RASGEF1C: variants seen among roughly 807,000 people sequenced by gnomAD.
The protein encoded by RASGEF1C is ras-GEF domain-containing family member 1C.
In RASGEF1C, 27 loss-of-function variants were observed where a neutral mutation model predicts 58.1. The observed-to-expected ratio is 0.46, with a 90% CI of 0.34 to 0.64. RASGEF1C has a LOEUF of 0.64. RASGEF1C is among the 30% of genes least tolerant of loss of function. The pLI is 0.01. For synonymous variants in RASGEF1C, 243 were observed against 246.3 expected, an observed-to-expected ratio of 0.99 and a Z score of 0.13; for missense variants, 502 against 605.1, an observed-to-expected ratio of 0.83 and a Z score of 1.79.
intron 4 of RASGEF1C, among the ~76,000 whole-genome samples, chr5:180,133,461 C>A (rs78920275): frequency 0.031 from 4,740 of 152,124 alleles, 256 homozygotes; most frequent in African/African-American, 0.11. Context: ...AGAATGATCA[C>A]CCTCCCTTTT....
chr5:180,201,781 A>G (rs1296727586), intron 1 of RASGEF1C, among the ~76,000 whole-genome samples: 1 of 152,202 alleles, frequency 6.6e-6, no homozygotes, highest in Non-Finnish European at 1.5e-5. Context: ...CATCAATGAG[A>G]TTAGTGCCCT....
rs75794766 is a variant in RASGEF1C at position 180,178,907 on chromosome 5, G to C, written c.-7+30121C>G. ...AGAAGGGACTGGAGAATGTTCTTGG[G>C]GGGGGAGGGGCGCAGGTGCCAAGGA... On this transcript the variant is annotated intron_variant, in intron 1 of 13. Coordinates refer to ENST00000361132, the MANE Select transcript of RASGEF1C (RefSeq NM_175062.4). Among the ~76,000 whole-genome samples the C allele has an allele frequency of 8.2e-3, 1,249 of 152,268 alleles. 17 individuals are homozygous for C. The highest frequency in any genetic ancestry group is 0.027 in the African/African-American group (1,129 of 41,558).
chr5:180,153,382 C>A (rs541368105), intron 1 of RASGEF1C, among the ~76,000 whole-genome samples: 8 of 152,328 alleles, frequency 5.3e-5, no homozygotes, highest in African/African-American at 1.9e-4. Context: ...GGATAGCTAG[C>A]TGCTACCATG....
intron 10 of RASGEF1C, among the ~76,000 whole-genome samples, chr5:180,116,673 G>A (rs1766073379): frequency 6.6e-6 from 1 of 152,238 alleles, no homozygotes; most frequent in Non-Finnish European, 1.5e-5. Context: ...CTGCCCCACA[G>A]CCCCCGTGTC....
chr5:180,152,383 A>G (rs1326109427), intron 1 of RASGEF1C, among the ~76,000 whole-genome samples: 4 of 152,288 alleles, frequency 2.6e-5, no homozygotes, highest in African/African-American at 7.2e-5. Flanking sequence ...CTATGCAGCC[A>G]TAACAAATGA....
intron 1 of RASGEF1C, among the ~76,000 whole-genome samples, chr5:180,192,759 T>G (rs890135157): frequency 6.6e-6 from 1 of 151,896 alleles, no homozygotes; most frequent in Non-Finnish European, 1.5e-5. Context: ...TGTTTTTTTT[T>G]TTTGAGATGG....
intron 1 of RASGEF1C, among the ~76,000 whole-genome samples, chr5:180,181,926 G>T (rs999997985): frequency 6.7e-6 from 1 of 149,488 alleles, no homozygotes; most frequent in Admixed American, 6.7e-5. Context: ...GCCATGGGCC[G>T]GGCGCAGTGG....
chr5:180,162,250 C>T (rs1158085305), intron 1 of RASGEF1C, among the ~76,000 whole-genome samples: 1 of 152,240 alleles, frequency 6.6e-6, no homozygotes, highest in Non-Finnish European at 1.5e-5. Flanking sequence ...TCTCTAGCCA[C>T]TTTGCAATCC....
At chr5:180,191,498 A>T (rs1418874614) in intron 1 of RASGEF1C, among the ~76,000 whole-genome samples, 2 of 152,136 alleles carry the variant, frequency 1.3e-5, no homozygotes, top group Non-Finnish European at 2.9e-5. Context: ...CTGGGACTAC[A>T]GGCGCCCGCC....
At chr5:180,176,093 C>T (rs1190196580) in intron 1 of RASGEF1C, among the ~76,000 whole-genome samples, 4 of 152,236 alleles carry the variant, frequency 2.6e-5, no homozygotes, top group African/African-American at 4.8e-5. Flanking sequence ...GAGGCCACAT[C>T]GCTGGCCACA....
chr5:180,201,436 G>A (rs1288776140), intron 1 of RASGEF1C, among the ~76,000 whole-genome samples: 1 of 152,166 alleles, frequency 6.6e-6, no homozygotes, highest in Admixed American at 6.5e-5. Flanking sequence ...CAACAGGAGA[G>A]GGCGCTCTTA....
intron 1 of RASGEF1C, among the ~76,000 whole-genome samples, chr5:180,151,094 A>G (rs1296381849): frequency 6.6e-6 from 1 of 152,114 alleles, no homozygotes; most frequent in East Asian, 1.9e-4. Context: ...AGAACATTCC[A>G]TGCTCATGGG....
At position 180,183,926 on chromosome 5, in the gene RASGEF1C, C is replaced by T. The variant is rs1025185134; in HGVS notation, c.-7+25102G>A. Among the ~76,000 whole-genome samples the T allele has an allele frequency of 3.9e-5, 6 of 152,230 alleles. 1 individual carries two copies. The South Asian group carries it at 1.2e-3, about 32-fold the overall frequency. On this transcript the variant is annotated intron_variant, in intron 1 of 13. Transcript: ENST00000361132. ...ATGGCTCATGCCTATAATCCCAGCA[C>T]TTTGGGAGCCCGAGGCTGGCAGATC... is the stretch of plus-strand genomic sequence containing the variant.
rs1416562019 is a variant in RASGEF1C, at chr5:180,136,282, GTGGGGAGATGAGGGCCC to G, written c.438+79_438+95del. On this transcript the variant is annotated intron_variant, in intron 4 of 13. Transcript: ENST00000361132. ...ATTTGGACGGGCCGTGGTGTGCAGG[GTGGGGAGATGAGGGCCC>G]TGGGGTGCGGGCCGGGAACAGGCGC... is the stretch of plus-strand genomic sequence containing the variant. The G allele has an allele frequency of 2.4e-6, 3 of 1,261,882 alleles. No individual in the cohort carries two copies. In the African/African-American group the frequency reaches 4.5e-5, roughly 19 times the overall value. The allele number at this position is 1,261,882 out of a possible 1,614,324, so 78.2% of individuals were successfully genotyped here.
At chr5:180,167,720 T>C (rs1461492914) in intron 1 of RASGEF1C, among the ~76,000 whole-genome samples, 2 of 152,264 alleles carry the variant, frequency 1.3e-5, no homozygotes, top group African/African-American at 4.8e-5. Flanking sequence ...TAGTGTTATC[T>C]ATCTGCTCAT....
chr5:180,114,356 A>T (rs1766027801), intron 11 of RASGEF1C, 90 bp downstream of exon 11: 1 of 1,280,536 alleles, frequency 7.8e-7, no homozygotes, highest in Non-Finnish European at 1.1e-6. Flanking sequence ...AGGGTCCCCC[A>T]TGAGGCTGGG....
At chr5:180,118,412 T>G (rs907535719) in intron 10 of RASGEF1C, among the ~76,000 whole-genome samples, 197 bp downstream of exon 10, 6 of 152,138 alleles carry the variant, frequency 3.9e-5, no homozygotes, top group African/African-American at 1.4e-4. Context: ...GCACTTCCTG[T>G]CAGTCAGAGC....
chr5:180,190,382 C>T (rs371241755), intron 1 of RASGEF1C, among the ~76,000 whole-genome samples: 135 of 149,100 alleles, frequency 9.1e-4, no homozygotes, highest in African/African-American at 2.7e-3. Context: ...CCCAGCTACT[C>T]GGGAGGCTGA....
At chr5:180,189,089 C>G (rs996241016) in intron 1 of RASGEF1C, among the ~76,000 whole-genome samples, 2 of 152,168 alleles carry the variant, frequency 1.3e-5, no homozygotes, top group African/African-American at 4.8e-5. Flanking sequence ...ATAGGTGATT[C>G]CAGCAAGATT....
Sources: allele counts gnomAD v4.1 joint callset (sites outside exome capture counted in the v4.1 genomes callset), GRCh38; gene constraint gnomAD v4.1.1; transcripts MANE v1.5; gene names NCBI Gene and HGNC (gene_info 2026-07-23, HGNC 2026-07-21).